Variants in TBC1D8 observed in about 807,000 individuals in gnomAD.
TBC1D8 encodes BUB2-like protein 1.
TBC1D8 carries 65 observed loss-of-function variants against 118.8 expected under a neutral mutation model. The ratio of observed to expected loss-of-function variants is 0.55; its 90% confidence interval spans 0.45 to 0.67. The LOEUF (loss-of-function observed/expected upper bound fraction) is 0.67, where lower values mean the gene tolerates loss of function less well. Ranked by LOEUF, TBC1D8 falls within the 30% of genes least tolerant of loss-of-function variation. The pLI, the probability that TBC1D8 is intolerant of heterozygous loss-of-function variation, is 0.00. For synonymous variants in TBC1D8, 566 were observed against 595.8 expected, an observed-to-expected ratio of 0.95 and a Z score of 0.73; for missense variants, 1,376 against 1,471.2, an observed-to-expected ratio of 0.94 and a Z score of 1.06.
chr2:101,133,126 C>A (rs890228132), intron 1 of TBC1D8, among the ~76,000 whole-genome samples: 11 of 147,604 alleles, frequency 7.5e-5, no homozygotes, highest in African/African-American at 2.8e-4. Flanking sequence ...AGCCACTGCA[C>A]TCCAGCCTGG....
At chr2:101,053,686 C>A (rs1431609879) in intron 4 of TBC1D8, among the ~76,000 whole-genome samples, 1 of 152,180 alleles carries the variant, frequency 6.6e-6, no homozygotes, top group Non-Finnish European at 1.5e-5. Flanking sequence ...GTGAAGAATT[C>A]CCCTTCTGGA....
intron 5 of TBC1D8, 39 bp from the exon 6 acceptor site, chr2:101,040,424 A>G: frequency 6.5e-7 from 1 of 1,535,102 alleles, no homozygotes; most frequent in Non-Finnish European, 8.8e-7. Context: ...GAGATAGGAA[A>G]GGTGAATGGA....
At chr2:101,134,115 A>G (rs1035773767) in intron 1 of TBC1D8, among the ~76,000 whole-genome samples, 16 of 151,898 alleles carry the variant, frequency 1.1e-4, no homozygotes, top group African/African-American at 3.9e-4. Context: ...AATTTCAACA[A>G]TGAATTTGGA....
chr2:101,017,074 TAAA>T (rs376317331), intron 17 of TBC1D8, among the ~76,000 whole-genome samples: 32 of 133,022 alleles, frequency 2.4e-4, no homozygotes, highest in Admixed American at 1.6e-3. Context: ...TTAAAAGTAT[TAAA>T]AAAAAAAAAA....
At chr2:101,053,961 A>C in intron 4 of TBC1D8, 147 bp downstream of exon 4, 1 of 693,642 alleles carries the variant, frequency 1.4e-6, no homozygotes, top group Non-Finnish European at 2.4e-6. Flanking sequence ...TAGCAGTAGC[A>C]TATATAAGTA....
chr2:101,133,720 T>C (rs1347375214), intron 1 of TBC1D8, among the ~76,000 whole-genome samples: 1 of 152,088 alleles, frequency 6.6e-6, no homozygotes, highest in Non-Finnish European at 1.5e-5. Context: ...ACTATGACCT[T>C]AGGGGGTTGT....
rs1383378909 is a variant in TBC1D8 at position 101,028,088 on chromosome 2, C to G, written c.2411G>C (p.Arg804Thr). The change falls in exon 14 of 20, where the codon AGG becomes ACG. Residue 804 changes from arginine (R) to threonine (T), a missense_variant. Physicochemically the swap from Arg to Thr is moderately conservative, Grantham distance 71. Transcript: ENST00000409318. Reference protein sequence around the residue: ...IEHLRYKHRIRVLQGHEDTTK... With the variant: ...IEHLRYKHRITVLQGHEDTTK... The stretch of plus-strand genomic sequence containing the variant: ...GGTGTCCTCGTGGCCTTGGAGGACC[C>G]TGATCCTGTGCTTGTAACGTAGGTG... 3 of 1,613,892 alleles carry G rather than the reference C, an allele frequency of 1.9e-6. No homozygotes were observed. The highest frequency in any genetic ancestry group is 2.5e-6 in the Non-Finnish European group (3 of 1,179,912).
intron 17 of TBC1D8, among the ~76,000 whole-genome samples, chr2:101,014,895 G>A (rs909121615): frequency 5.3e-4 from 80 of 152,268 alleles, no homozygotes; most frequent in African/African-American, 1.9e-3. Context: ...TCCTACTGAT[G>A]TTAATTTTAA....
intron 7 of TBC1D8, 58 bp downstream of exon 7, chr2:101,038,403 T>G: frequency 6.3e-7 from 1 of 1,576,152 alleles, no homozygotes; most frequent in Non-Finnish European, 8.7e-7. Flanking sequence ...TACTCCCCTT[T>G]GGAGACCACG....
At chr2:101,019,646 G>A (rs1679903478) in intron 17 of TBC1D8, 1 of 152,178 alleles carries the variant, frequency 6.6e-6, no homozygotes, top group Non-Finnish European at 1.5e-5. Context: ...AATCAGATAT[G>A]TTCAAAAAGG....
At chr2:101,072,837 G>C (rs987946703) in intron 2 of TBC1D8, among the ~76,000 whole-genome samples, 1 of 152,034 alleles carries the variant, frequency 6.6e-6, no homozygotes, top group Non-Finnish European at 1.5e-5. Flanking sequence ...CCGTGGGTTG[G>C]GGACCTATGC....
At chr2:101,021,431 AGGGTG>A (rs1680022309) in intron 17 of TBC1D8, among the ~76,000 whole-genome samples, 1 of 152,174 alleles carries the variant, frequency 6.6e-6, no homozygotes, top group Non-Finnish European at 1.5e-5. Context: ...GTTGGAAACC[AGGGTG>A]GGGGCCCAGG....
At chr2:101,033,161 G>A (rs1402152019) in intron 10 of TBC1D8, among the ~76,000 whole-genome samples, 1 of 150,918 alleles carries the variant, frequency 6.6e-6, no homozygotes, top group Non-Finnish European at 1.5e-5. Context: ...TCTGTTGCCA[G>A]GCTGGAATGC....
intron 1 of TBC1D8, among the ~76,000 whole-genome samples, chr2:101,123,106 C>T (rs761735052): frequency 2.0e-5 from 3 of 152,086 alleles, no homozygotes; most frequent in Admixed American, 6.5e-5. Context: ...CATGGTGGTG[C>T]GCACCTTGTA....
chr2:101,014,818 G>A (rs1361117684), intron 17 of TBC1D8, among the ~76,000 whole-genome samples: 1 of 152,204 alleles, frequency 6.6e-6, no homozygotes, highest in Non-Finnish European at 1.5e-5. Flanking sequence ...AATCAAGATA[G>A]TGGGTATAAC....
rs529806012 is a variant in TBC1D8, at chr2:101,064,248, T to G, written c.284-4709A>C. Among the ~76,000 whole-genome samples the G allele has an allele frequency of 3.9e-5, 6 of 152,238 alleles. No homozygotes were observed. In the East Asian group the frequency reaches 1.2e-3, roughly 29 times the overall value. ...CTTATAAGAAGAGACACCGGGGAAGTGCACCCATGGAGAAAAGGCCATGTG... is the reference window on the plus strand; with the variant it reads ...CTTATAAGAAGAGACACCGGGGAAGGGCACCCATGGAGAAAAGGCCATGTG... On this transcript the variant is annotated intron_variant, in intron 2 of 19. Transcript: ENST00000409318.
chr2:101,035,987 C>T, intron 9 of TBC1D8, 31 bp downstream of exon 9: 1 of 1,611,366 alleles, frequency 6.2e-7, no homozygotes, highest in Non-Finnish European at 8.5e-7. Flanking sequence ...ACAAAAAGAA[C>T]AATTAGCTTC....
intron 2 of TBC1D8, among the ~76,000 whole-genome samples, chr2:101,088,225 T>A (rs1028407221): frequency 2.0e-5 from 3 of 152,124 alleles, no homozygotes; most frequent in Non-Finnish European, 4.4e-5. Context: ...TGGCTGGGAT[T>A]TGGGGAGATA....
chr2:101,094,760 G>A (rs543298595), intron 1 of TBC1D8, among the ~76,000 whole-genome samples: 8 of 152,256 alleles, frequency 5.3e-5, no homozygotes, highest in African/African-American at 9.6e-5. Context: ...GGGTGCTTCC[G>A]GTTTCAGCTC....
Sources: gnomAD v4.1 joint callset for allele counts (sites outside exome capture counted in the v4.1 genomes callset) on GRCh38, gnomAD v4.1.1 for gene constraint, MANE v1.5 for transcripts, NCBI Gene and HGNC (gene_info 2026-07-23, HGNC 2026-07-21) for gene names.